Variants in FAT1 observed in about 807,000 individuals in gnomAD.
FAT1 encodes the protein FAT atypical cadherin 1.
FAT1 carries 171 observed loss-of-function variants against 329.8 expected under a neutral mutation model. The observed-to-expected ratio is 0.52, with a 90% CI of 0.46 to 0.59. FAT1 has a LOEUF of 0.59. FAT1 is among the 20% of genes least tolerant of loss of function. The pLI, the probability that FAT1 is intolerant of heterozygous loss-of-function variation, is 0.00. For missense variants in FAT1, 5,672 were observed against 5,774.4 expected, an observed-to-expected ratio of 0.98 and a Z score of 0.57; for synonymous variants, 2,233 against 2,228.6, an observed-to-expected ratio of 1.00 and a Z score of -0.06.
chr4:186,658,256 A>C (rs1742001360), intron 3 of FAT1, among the ~76,000 whole-genome samples: 1 of 152,224 alleles, frequency 6.6e-6, no homozygotes, highest in African/African-American at 2.4e-5. Flanking sequence ...CAAACAATAT[A>C]ATAAGAATGT....
chr4:186,720,861 G>A (rs1300395067), intron 1 of FAT1, among the ~76,000 whole-genome samples: 1 of 152,120 alleles, frequency 6.6e-6, no homozygotes, highest in East Asian at 1.9e-4. Context: ...ATATAGAGAG[G>A]GATAACATAG....
Position 186,621,365 on chromosome 4 carries a change from T to C in FAT1, c.5221A>G (p.Asn1741Asp), listed in dbSNP as rs527291710. 8.1e-6 allele frequency: 13 copies of C among 1,614,038 alleles called. No individual in the cohort carries two copies. In the East Asian group the frequency reaches 2.7e-4, roughly 33 times the overall value. ...PIYTLIIQGT[N>D]MAGLSTNTTV... ...GTATTAGTGGACAAACCAGCCATGT[T>C]AGTTCCTTGTATTATCAATGTGTAA... is the stretch of plus-strand genomic sequence containing the variant. The change falls in exon 10 of 27, where the codon AAC (asparagine) becomes GAC (aspartate). Residue 1741 changes from asparagine (N) to aspartate (D), a missense_variant. By Grantham distance (23) the Asn-to-Asp change is conservative. Around this residue, in one of 2 missense-constraint regions of FAT1, gnomAD observed 3,966 missense variants for 3,915.2 expected, o/e 1.01. Transcript: ENST00000441802.
chr4:186,709,324 G>A lies in FAT1; in HGVS notation c.504C>T (p.Ile168=), dbSNP rs775357680. 5 of 1,613,922 alleles carry A rather than the reference G, an allele frequency of 3.1e-6. No homozygotes were observed. The highest frequency in any genetic ancestry group is 2.2e-5 in the East Asian group (1 of 44,866). Residue 168 remains isoleucine (I), a synonymous_variant, in exon 2 of 27, where the codon ATC becomes ATT. Coordinates refer to ENST00000441802, the MANE Select transcript of FAT1 (RefSeq NM_005245.4). ...LPENTAIRTS[I]ARVSATDADI... ...CTGCATCCGTGGCGCTGACTCTTGCGATACTGGTCCTTATAGCTGTGTTTT... is the reference window on the plus strand; with the variant it reads ...CTGCATCCGTGGCGCTGACTCTTGCAATACTGGTCCTTATAGCTGTGTTTT...
intron 3 of FAT1, among the ~76,000 whole-genome samples, chr4:186,649,777 G>A (rs1156766039): frequency 6.6e-6 from 1 of 152,100 alleles, no homozygotes; most frequent in Admixed American, 6.6e-5. Context: ...AGTAGCCTTA[G>A]GGAAATAAAC....
Position 186,619,591 on chromosome 4 carries a change from T to C in FAT1, c.6995A>G (p.His2332Arg). 1 of 1,613,918 alleles carries C rather than the reference T, an allele frequency of 6.2e-7. No individual in the cohort carries two copies. Reference sequence around the variant, plus strand: ...GCCAGTGCTGCTGTCTACATGAAAATGATCATGACTCTTGCTGTGATTCCC... The same window carrying C: ...GCCAGTGCTGCTGTCTACATGAAAACGATCATGACTCTTGCTGTGATTCCC... Reference protein sequence around the residue: ...MFGNHSKSHDHFHVDSSTGLI... With the variant: ...MFGNHSKSHDRFHVDSSTGLI... The change falls in exon 10 of 27, where the codon CAT becomes CGT. Residue 2332 changes from histidine to arginine, a missense_variant. Physicochemically the swap from His to Arg is conservative, Grantham distance 29. Transcript: ENST00000441802.
chr4:186,669,906 G>A (rs1435912211), intron 2 of FAT1, among the ~76,000 whole-genome samples: 1 of 152,082 alleles, frequency 6.6e-6, no homozygotes, highest in East Asian at 1.9e-4. Flanking sequence ...CCTACTCCCC[G>A]CCACTGCTGG....
At position 186,600,015 on chromosome 4, in the gene FAT1, A is replaced by G. The variant is rs760993086; in HGVS notation, c.11986T>C (p.Tyr3996His). ...TCCACCGACTCTTCGATGTGTGCATAGCTTCTGGGTTTGCTGTTTAAAGGG... is the reference window on the plus strand; with the variant it reads ...TCCACCGACTCTTCGATGTGTGCATGGCTTCTGGGTTTGCTGTTTAAAGGG... The part of the protein sequence containing the change: ...ELPLNSKPRS[Y>H]AHIEESVDVS... Residue 3996 changes from tyrosine to histidine, a missense_variant, in exon 22 of 27, where the codon TAT becomes CAT. Physicochemically the swap from Tyr to His is moderately conservative, Grantham distance 83. Around this residue, in one of 2 missense-constraint regions of FAT1, gnomAD observed 1,706 missense variants for 1,859.1 expected, o/e 0.92. Coordinates refer to ENST00000441802, the MANE Select transcript of FAT1 (RefSeq NM_005245.4). The G allele has an allele frequency of 1.2e-6, 2 of 1,613,988 alleles. No homozygotes were observed. Among genetic ancestry groups the G allele is most frequent in the Non-Finnish European group, 1.7e-6 (2 of 1,179,876 alleles).
At chr4:186,692,605 T>C (rs1274140834) in intron 2 of FAT1, among the ~76,000 whole-genome samples, 2 of 152,140 alleles carry the variant, frequency 1.3e-5, no homozygotes, top group Non-Finnish European at 2.9e-5. Context: ...TTTTTAAAAC[T>C]TTTCCATTTA....
chr4:186,656,600 C>A (rs2126604846), intron 3 of FAT1, among the ~76,000 whole-genome samples: 1 of 152,280 alleles, frequency 6.6e-6, no homozygotes, highest in Middle Eastern at 3.4e-3. Flanking sequence ...TCCGGCCTTG[C>A]TGAGCAGGGT....
At chr4:186,678,684 T>C in intron 2 of FAT1, among the ~76,000 whole-genome samples, 1 of 151,286 alleles carries the variant, frequency 6.6e-6, no homozygotes. Flanking sequence ...GGCCTGCATA[T>C]AAGAAATTAC....
intron 3 of FAT1, among the ~76,000 whole-genome samples, chr4:186,643,328 C>T (rs1001391447): frequency 1.2e-4 from 19 of 152,224 alleles, no homozygotes; most frequent in Middle Eastern, 3.4e-3. Flanking sequence ...TACTTTTCTG[C>T]GGAGAACACG....
chr4:186,633,784 G>A lies in FAT1; in HGVS notation c.4223C>T (p.Thr1408Ile), dbSNP rs1740699705. 1 of 1,613,844 alleles carries A rather than the reference G, an allele frequency of 6.2e-7. No individual in the cohort carries two copies. Among genetic ancestry groups the A allele is most frequent in the Non-Finnish European group, 8.5e-7 (1 of 1,179,880 alleles). Residue 1408 changes from threonine to isoleucine, a missense_variant, in exon 7 of 27, where the codon ACT becomes ATT. Around this residue, in one of 2 missense-constraint regions of FAT1, gnomAD observed 3,966 missense variants for 3,915.2 expected, o/e 1.01. Transcript: ENST00000441802. ...AGGTTTGGCAACAATGATGGTTCCA[G>A]TTCCCTTGTCCACATCGAAGTGACT... is the stretch of plus-strand genomic sequence containing the variant. ...YDSHFDVDKG[T>I]GTIIVAKPLD...
At chr4:186,719,715 T>C (rs558744065) in intron 1 of FAT1, among the ~76,000 whole-genome samples, 2 of 152,366 alleles carry the variant, frequency 1.3e-5, no homozygotes, top group South Asian at 4.1e-4. Flanking sequence ...TGGACTAAAA[T>C]CTTTACAGCC....
chr4:186,644,475 T>TGTA lies in FAT1; in HGVS notation c.3581-4695_3581-4693dup, dbSNP rs1212732601. On this transcript the variant is annotated intron_variant, in intron 3 of 26. Coordinates refer to ENST00000441802, the MANE Select transcript of FAT1 (RefSeq NM_005245.4). ...TTCTATATAATAAAACTATGATAAA[T>TGTA]GTAGGTGGGCTGAGACAGCAGACAC... is the stretch of plus-strand genomic sequence containing the variant. 7.4e-4 allele frequency among the ~76,000 whole-genome samples: 112 copies of TGTA among 152,146 alleles called. 1 individual carries two copies. Among genetic ancestry groups the TGTA allele is most frequent in the Non-Finnish European group, 1.2e-3 (80 of 68,022 alleles).
intron 5 of FAT1, 138 bp from the exon 6 acceptor site, chr4:186,636,373 C>T (rs1414633412): frequency 8.0e-6 from 7 of 876,074 alleles, no homozygotes; most frequent in Non-Finnish European, 1.2e-5. Context: ...TATGGAATGC[C>T]TGACAGAAGA....
intron 20 of FAT1, chr4:186,601,654 T>C (rs1738826120): frequency 5.1e-6 from 2 of 391,784 alleles, no homozygotes; most frequent in Non-Finnish European, 9.1e-6. Context: ...GAGAAATGAA[T>C]TCTAAAGTAA....
intron 3 of FAT1, among the ~76,000 whole-genome samples, chr4:186,641,283 G>A (rs1741077967): frequency 6.6e-6 from 1 of 152,238 alleles, no homozygotes; most frequent in Admixed American, 6.5e-5. Context: ...CATAGGTATA[G>A]ATTAAAAGGT....
In FAT1 at chr4:186,610,004, T is replaced by C; in HGVS notation, c.9865A>G (p.Ile3289Val). 1 of 1,608,004 alleles carries C rather than the reference T, an allele frequency of 6.2e-7. No homozygotes were observed. Among genetic ancestry groups the C allele is most frequent in the South Asian group, 1.1e-5 (1 of 90,842 alleles). Residue 3289 changes from isoleucine to valine, a missense_variant, in exon 15 of 27, where the codon ATC (isoleucine) becomes GTC (valine). Ile to Val is a conservative substitution (Grantham distance 29). Transcript: ENST00000441802. ...SIDSKTGAVF[I>V]IENLDYESSH... ...CTCTCATAATCCAGATTCTCAATGA[T>C]AAATACGGCCCCTGAATAGAAATCA...
At chr4:186,606,251 C>A (rs2126448975) in intron 16 of FAT1, 38 bp from the exon 17 acceptor site, 1 of 1,607,850 alleles carries the variant, frequency 6.2e-7, no homozygotes, top group South Asian at 1.1e-5. Context: ...TTCATTTTCA[C>A]AAGGCCGACA....
Sources: allele counts gnomAD v4.1 joint callset (sites outside exome capture counted in the v4.1 genomes callset), GRCh38; gene constraint gnomAD v4.1.1; regional missense constraint gnomAD v4.1.1; transcripts MANE v1.5; gene names NCBI Gene and HGNC (gene_info 2026-07-23, HGNC 2026-07-21).